MOGS: variants seen among roughly 807,000 people sequenced by gnomAD.
MOGS encodes the protein mannosyl-oligosaccharide glucosidase, also known as epididymis secretory sperm binding protein.
A neutral mutation model predicts 68.5 loss-of-function variants in MOGS; 45 were observed. The ratio of observed to expected loss-of-function variants is 0.66; its 90% CI spans 0.52 to 0.84. The LOEUF (loss-of-function observed/expected upper bound fraction) is 0.84, where lower values mean the gene tolerates loss of function less well. MOGS is among the 40% of genes least tolerant of loss of function. The pLI is 0.00. For synonymous variants in MOGS, 492 were observed against 461.2 expected (o/e 1.07, Z -0.86); for missense variants, 1,020 against 1,095.0 (o/e 0.93, Z 0.97).
At position 74,461,231 on chromosome 2, in the gene MOGS, G is replaced by A; in HGVS notation, c.*44C>T. ...AGCCAGAAGCCTTTGTCCCTTCAGA[G>A]CCAGAGTGGCATGAGTGTCTTGGCT... is the stretch of plus-strand genomic sequence containing the variant. On this transcript the variant is annotated 3_prime_UTR_variant, in exon 4 of 4. Coordinates refer to ENST00000448666, the MANE Select transcript of MOGS (RefSeq NM_006302.3). 6.2e-7 allele frequency: 1 copy of A among 1,610,828 alleles called. No homozygotes were observed. The highest frequency in any genetic ancestry group is 8.5e-7 in the Non-Finnish European group (1 of 1,178,892).
rs1425889841 is a variant in MOGS, at chr2:74,462,195, C to G, written c.1594G>C (p.Ala532Pro). The G allele has an allele frequency of 6.2e-7, 1 of 1,614,140 alleles. No individual in the cohort carries two copies. ...MLEVGDPDDL[A>P]FLRKALPRLH... Reference sequence around the variant, plus strand: ...CGGGGCAAGGCCTTTCGGAGGAAAGCCAAGTCGTCAGGGTCACCAACCTCT... The same window carrying G: ...CGGGGCAAGGCCTTTCGGAGGAAAGGCAAGTCGTCAGGGTCACCAACCTCT... The change falls in exon 4 of 4, where the codon GCT (alanine) becomes CCT (proline). Residue 532 changes from alanine to proline, a missense_variant. This residue lies in a region of MOGS where 181 missense variants were observed against 261.8 expected (regional missense o/e 0.69). Transcript: ENST00000448666.
In MOGS at chr2:74,462,069, TC is replaced by T; in HGVS notation, c.1719del (p.Asn574ThrfsTer20). On this transcript the variant is annotated frameshift_variant, in exon 4 of 4. Coordinates refer to ENST00000448666, the MANE Select transcript of MOGS (RefSeq NM_006302.3). LOFTEE classifies it high-confidence loss of function. ...RGRDPALPTL[L>X]NPKTLPSGLD... ...AGCCCAGAGGGTAGGGTCTTGGGGT[TC>T]AGTAAGGTTGGTAAGGCAGGGTCCC... 1 of 1,614,068 alleles carries T rather than the reference TC, an allele frequency of 6.2e-7. No individual in the cohort carries two copies.
rs1198000826 is a variant in MOGS, at chr2:74,465,063, AC to A, written c.184del (p.Val62CysfsTer46). On this transcript the variant is annotated frameshift_variant, in exon 1 of 4. Transcript: ENST00000448666. LOFTEE classifies it high-confidence loss of function. ...CCGCCGCGCACGGTACCACGCCAGC[AC>A]CCAGCGCCCCGACATACCCAGGGCC... ...SLALGMSGRW[V>X]LAWYRARRAV... 6.4e-7 allele frequency: 1 copy of A among 1,555,040 alleles called. No homozygotes were observed. The highest frequency in any genetic ancestry group is 8.7e-7 in the Non-Finnish European group (1 of 1,151,274).
In MOGS at chr2:74,461,703, GAA is replaced by G; in HGVS notation, c.2084_2085del (p.Phe695SerfsTer51). ...GGGTCCAGCAGTCGCAGCAGCAAGG[GAA>G]AAAGACTGACATAGCCAAGAGCATC... is the stretch of plus-strand genomic sequence containing the variant. ...YVDALGYVSL[F>X]PLLLRLLDPT... On this transcript the variant is annotated frameshift_variant, in exon 4 of 4. Transcript: ENST00000448666. LOFTEE classifies it high-confidence loss of function. 6.2e-7 allele frequency: 1 copy of G among 1,614,200 alleles called. No individual in the cohort carries two copies. The highest frequency in any genetic ancestry group is 8.5e-7 in the Non-Finnish European group (1 of 1,180,032).
At position 74,465,068 on chromosome 2, in the gene MOGS, G is replaced by C; in HGVS notation, c.180C>G (p.Arg60=). ...GCGCACGGTACCACGCCAGCACCCA[G>C]CGCCCCGACATACCCAGGGCCAAAG... ...VLSLALGMSG[R]WVLAWYRARR... Residue 60 remains arginine, a synonymous_variant, in exon 1 of 4, where the codon CGC becomes CGG. Coordinates refer to ENST00000448666, the MANE Select transcript of MOGS (RefSeq NM_006302.3). 6.4e-7 allele frequency: 1 copy of C among 1,555,656 alleles called. No individual in the cohort carries two copies. Among genetic ancestry groups the C allele is most frequent in the Non-Finnish European group, 8.7e-7 (1 of 1,151,536 alleles).
At chr2:74,463,620 T>G in intron 2 of MOGS, 1 of 540,796 alleles carries the variant, frequency 1.8e-6, no homozygotes, top group South Asian at 2.0e-5. Flanking sequence ...TTGTACTATG[T>G]CCTACACTAA....
chr2:74,462,559 C>T lies in MOGS; in HGVS notation c.1230G>A (p.Leu410=), dbSNP rs1245960351. 6.2e-7 allele frequency: 1 copy of T among 1,612,216 alleles called. No individual in the cohort carries two copies. The highest frequency in any genetic ancestry group is 2.2e-5 in the East Asian group (1 of 44,848). ...GGIGYFYGQG[L]VLPDIGVEGS... ...CTTCCACCCCGATGTCTGGCAATAC[C>T]AGCCCTTGTCCGTAGAAGTAGCCAA... Residue 410 remains leucine (L), a synonymous_variant, in exon 4 of 4, where the codon CTG becomes CTA. Transcript: ENST00000448666.
chr2:74,465,018 G>A lies in MOGS; in HGVS notation c.230C>T (p.Ala77Val), dbSNP rs1358500743. The part of the protein sequence containing the change: ...RARRAVTLHS[A>V]PPVLPADSSS... ...GGAGTCGGCAGGCAACACAGGAGGC[G>A]CGGAGTGCAGCGTGACCGCCCGCCG... Residue 77 changes from alanine to valine, a missense_variant, in exon 1 of 4, where the codon GCG becomes GTG. Around this residue, in one of 3 missense-constraint regions of MOGS, gnomAD observed 569 missense variants for 571.9 expected, o/e 0.99. Coordinates refer to ENST00000448666, the MANE Select transcript of MOGS (RefSeq NM_006302.3). 2 of 1,553,894 alleles carry A rather than the reference G, an allele frequency of 1.3e-6. No individual in the cohort carries two copies. The highest frequency in any genetic ancestry group is 1.2e-5 in the South Asian group (1 of 84,484).
At position 74,465,294 on chromosome 2, in the gene MOGS, G is replaced by A. The variant is rs1267990180; in HGVS notation, c.-47C>T. The A allele has an allele frequency of 1.5e-6, 2 of 1,346,848 alleles. No homozygotes were observed. The highest frequency in any genetic ancestry group is 1.9e-6 in the Non-Finnish European group (2 of 1,054,328). The allele number at this position is 1,346,848 out of a possible 1,614,324, so 83.4% of individuals were successfully genotyped here. A position where few individuals can be genotyped will look rare whatever the true frequency, so the allele number is the denominator to read the frequency against. On this transcript the variant is annotated 5_prime_UTR_variant, in exon 1 of 4. Coordinates refer to ENST00000448666, the MANE Select transcript of MOGS (RefSeq NM_006302.3). The stretch of plus-strand genomic sequence containing the variant: ...ACAAGAGCTCGGAGAGGCGGCAGTG[G>A]AGCCCGGGTCCTGCCTCACCTCTCC...
rs756443476 is a variant in MOGS, at chr2:74,461,953, C to T, written c.1836G>A (p.Thr612=). 32 of 1,614,034 alleles carry T rather than the reference C, an allele frequency of 2.0e-5. No individual in the cohort carries two copies. The highest frequency in any genetic ancestry group is 2.5e-5 in the Non-Finnish European group (30 of 1,180,030). Residue 612 remains threonine, a synonymous_variant, in exon 4 of 4, where the codon ACG becomes ACA. Transcript: ENST00000448666. ...CCTCACCCAGATGCTCTGCCAGCCG[C>T]GTCAGCACACGGGCACCCAGTGCCA... ...CWVALGARVL[T]RLAEHLGEAE...
Position 74,465,275 on chromosome 2 carries a change from G to T in MOGS, c.-28C>A. ...TGGCACTGAGGTCCGCGTCACAAGAGCTCGGAGAGGCGGCAGTGGAGCCCG... is the reference window on the plus strand; with the variant it reads ...TGGCACTGAGGTCCGCGTCACAAGATCTCGGAGAGGCGGCAGTGGAGCCCG... On this transcript the variant is annotated 5_prime_UTR_variant, in exon 1 of 4. Coordinates refer to ENST00000448666, the MANE Select transcript of MOGS (RefSeq NM_006302.3). The T allele has an allele frequency of 7.2e-7, 1 of 1,385,170 alleles. No homozygotes were observed. Among genetic ancestry groups the T allele is most frequent in the Non-Finnish European group, 9.3e-7 (1 of 1,080,424 alleles). The allele number at this position is 1,385,170 out of a possible 1,614,324, so 85.8% of individuals were successfully genotyped here.
At chr2:74,463,073 G>C in intron 3 of MOGS, 61 bp from the exon 4 acceptor site, 1 of 1,610,198 alleles carries the variant, frequency 6.2e-7, no homozygotes, top group East Asian at 2.2e-5. Context: ...GCATTATAAA[G>C]AGAAATACAA....
chr2:74,461,716 A>G lies in MOGS; in HGVS notation c.2073T>C (p.Tyr691=), dbSNP rs1434269063. 2.5e-6 allele frequency: 4 copies of G among 1,614,232 alleles called. No individual in the cohort carries two copies. The highest frequency in any genetic ancestry group is 1.1e-5 in the South Asian group (1 of 91,082). ...PQLQYVDALG[Y]VSLFPLLLRL... is the part of the protein sequence containing the mutation. ...GCAGCAGCAAGGGAAAAAGACTGAC[A>G]TAGCCAAGAGCATCTACATACTGCA... Residue 691 remains tyrosine, a synonymous_variant, in exon 4 of 4, where the codon TAT becomes TAC. Transcript: ENST00000448666.
chr2:74,464,521 C>T lies in MOGS; in HGVS notation c.554G>A (p.Ser185Asn), dbSNP rs780818603. The T allele has an allele frequency of 6.2e-7, 1 of 1,614,140 alleles. No homozygotes were observed. The highest frequency in any genetic ancestry group is 8.5e-7 in the Non-Finnish European group (1 of 1,180,022). ...RPGGQHGGDW[S>N]WRVTVEPQDS... The stretch of plus-strand genomic sequence containing the variant: ...CTGAGGCTCTACAGTCACTCTCCAG[C>T]TCCAGTCCCCTCCGTGCTGACCCCC... The change falls in exon 2 of 4, where the codon AGC becomes AAC. Residue 185 changes from serine to asparagine, a missense_variant. By Grantham distance (46) the Ser-to-Asn change is conservative. Transcript: ENST00000448666.
At position 74,462,871 on chromosome 2, in the gene MOGS, C is replaced by T. The variant is rs778256313; in HGVS notation, c.918G>A (p.Trp306Ter). The T allele has an allele frequency of 1.2e-6, 2 of 1,614,198 alleles. No homozygotes were observed. The highest frequency in any genetic ancestry group is 2.2e-5 in the South Asian group (2 of 91,090). ...CTTGCCCACTTGGACCTCTGTCCTCCCACTTCAGGGATCCTGGCAAGCCGA... is the reference window on the plus strand; with the variant it reads ...CTTGCCCACTTGGACCTCTGTCCTCTCACTTCAGGGATCCTGGCAAGCCGA... ...RYLGLPGSLK[W>*]EDRGPSGQGQ... Residue 306 changes from tryptophan (W) to a stop codon, truncating the protein, a stop_gained, in exon 4 of 4, where the codon TGG (tryptophan) becomes TGA (stop). Coordinates refer to ENST00000448666, the MANE Select transcript of MOGS (RefSeq NM_006302.3). LOFTEE classifies it high-confidence loss of function.
chr2:74,465,231 C>T lies in MOGS; in HGVS notation c.17G>A (p.Arg6Gln). ...CTCTGCCGGCACTGCGCGGCGCCGC[C>T]GCTCGCCCCGAGCCATCCTGGCACT... MARGE[R>Q]RRRAVPAEGV... Residue 6 changes from arginine to glutamine, a missense_variant, in exon 1 of 4, where the codon CGG becomes CAG. By Grantham distance (43) the Arg-to-Gln change is conservative. This residue lies in a region of MOGS where 569 missense variants were observed against 571.9 expected (regional missense o/e 0.99). Transcript: ENST00000448666. The T allele has an allele frequency of 1.4e-6, 2 of 1,444,780 alleles. No individual in the cohort carries two copies. Among genetic ancestry groups the T allele is most frequent in the Admixed American group, 5.9e-5 (2 of 33,686 alleles). The allele number at this position is 1,444,780 out of a possible 1,614,324, so 89.5% of individuals were successfully genotyped here.
rs763550185 is a variant in MOGS at position 74,462,985 on chromosome 2, T to C, written c.804A>G (p.Pro268=). 3 of 1,614,120 alleles carry C rather than the reference T, an allele frequency of 1.9e-6. No individual in the cohort carries two copies. The highest frequency in any genetic ancestry group is 8.5e-7 in the Non-Finnish European group (1 of 1,180,042). The part of the protein sequence containing the change: ...GSYNVFWTSN[P]GLPLLTEMVK... ...CCATCTCTGTCAGCAGGGGCAGTCCTGGGTTGGAGGTCCAGAAGACATTGT... is the reference window on the plus strand; with the variant it reads ...CCATCTCTGTCAGCAGGGGCAGTCCCGGGTTGGAGGTCCAGAAGACATTGT... Residue 268 remains proline (P), a synonymous_variant, in exon 4 of 4, where the codon CCA becomes CCG. Coordinates refer to ENST00000448666, the MANE Select transcript of MOGS (RefSeq NM_006302.3).
At chr2:74,463,552 C>T in intron 2 of MOGS, 166 bp from the exon 3 acceptor site, 1 of 712,014 alleles carries the variant, frequency 1.4e-6, no homozygotes, top group Non-Finnish European at 2.4e-6. Flanking sequence ...CAGGTACACC[C>T]AAGCGGGATG....
In MOGS at chr2:74,465,036, G is replaced by C; in HGVS notation, c.212C>G (p.Ala71Gly). 1 of 1,553,606 alleles carries C rather than the reference G, an allele frequency of 6.4e-7. No homozygotes were observed. ...AGGAGGCGCGGAGTGCAGCGTGACC[G>C]CCCGCCGCGCACGGTACCACGCCAG... Reference protein sequence around the residue: ...WVLAWYRARRAVTLHSAPPVL... With the variant: ...WVLAWYRARRGVTLHSAPPVL... Residue 71 changes from alanine (A) to glycine (G), a missense_variant, in exon 1 of 4, where the codon GCG becomes GGG. Ala to Gly is a moderately conservative substitution (Grantham distance 60). Transcript: ENST00000448666.
Sources: allele counts gnomAD v4.1 joint callset, GRCh38; gene constraint gnomAD v4.1.1; regional missense constraint gnomAD v4.1.1; transcripts MANE v1.5; gene names NCBI Gene and HGNC (gene_info 2026-07-23, HGNC 2026-07-21).